Variants in CSMD1 observed in about 807,000 individuals in gnomAD.
CSMD1 encodes the protein CUB and sushi domain-containing protein 1.
A neutral mutation model predicts 417.5 loss-of-function variants in CSMD1; 213 were observed. The ratio of observed to expected loss-of-function variants is 0.51; its 90% confidence interval spans 0.46 to 0.57. CSMD1 has a LOEUF of 0.57. CSMD1 is among the 20% of genes least tolerant of loss of function. CSMD1 has a pLI of 0.00. For synonymous variants in CSMD1, 2,862 were observed against 1,736.8 expected, an observed-to-expected ratio of 1.65 and a Z score of -16.11; for missense variants, 6,923 against 4,529.7, an observed-to-expected ratio of 1.53 and a Z score of -15.17.
At chr8:4,838,985 C>T (rs1800677363) in intron 1 of CSMD1, among the ~76,000 whole-genome samples, 1 of 152,164 alleles carries the variant, frequency 6.6e-6, no homozygotes, top group African/African-American at 2.4e-5. Flanking sequence ...ATTACTTCTA[C>T]CTATTTTGCC....
chr8:3,455,728 G>A (rs764823426), intron 12 of CSMD1, among the ~76,000 whole-genome samples: 2 of 152,210 alleles, frequency 1.3e-5, no homozygotes, highest in Non-Finnish European at 2.9e-5. Flanking sequence ...CCCTACTGGG[G>A]ATGCGTCCCA....
chr8:3,503,640 G>C (rs1285105925), intron 10 of CSMD1, among the ~76,000 whole-genome samples: 2 of 152,136 alleles, frequency 1.3e-5, no homozygotes, highest in East Asian at 1.9e-4. Flanking sequence ...AATTCTCTTT[G>C]TGCTGCCCTG....
rs369520114 is a variant in CSMD1 at position 4,791,929 on chromosome 8, C to G, written c.86-154371G>C. On this transcript the variant is annotated intron_variant, in intron 1 of 69. Coordinates refer to ENST00000635120, the MANE Select transcript of CSMD1 (RefSeq NM_033225.6). ...TCGAAAAGGTAGATTAATTTAGTTT[C>G]TTTATGTTAGTTTTCCTTTTTTTTT... Among the ~76,000 whole-genome samples the G allele has an allele frequency of 9.3e-5, 14 of 149,778 alleles. No homozygotes were observed. The South Asian group carries it at 2.3e-3, about 25-fold the overall frequency.
Position 3,334,369 on chromosome 8 carries a change from T to G in CSMD1, c.3631+8925A>C, listed in dbSNP as rs560574023. Among the ~76,000 whole-genome samples the G allele has an allele frequency of 6.6e-5, 10 of 152,302 alleles. No homozygotes were observed. The East Asian group carries it at 1.9e-3, about 29-fold the overall frequency. On this transcript the variant is annotated intron_variant, in intron 23 of 69. Transcript: ENST00000635120. ...TTGTTTTCAAGCACCAAAATGACAATGCTTAGTGCTTCTGTATCGGTCCTG... is the reference window on the plus strand; with the variant it reads ...TTGTTTTCAAGCACCAAAATGACAAGGCTTAGTGCTTCTGTATCGGTCCTG...
At chr8:3,781,215 TA>T (rs1043369172) in intron 5 of CSMD1, among the ~76,000 whole-genome samples, 1 of 152,122 alleles carries the variant, frequency 6.6e-6, no homozygotes, top group Non-Finnish European at 1.5e-5. Context: ...GAGCAAAATT[TA>T]AAAAATTGCA....
chr8:4,188,146 C>G (rs369660648), intron 3 of CSMD1, among the ~76,000 whole-genome samples: 20 of 152,126 alleles, frequency 1.3e-4, no homozygotes, highest in African/African-American at 3.6e-4. Context: ...CCACACACAT[C>G]CTAACGTATT....
chr8:3,695,721 G>A (rs1396010460), intron 7 of CSMD1, among the ~76,000 whole-genome samples: 1 of 152,160 alleles, frequency 6.6e-6, no homozygotes, highest in Non-Finnish European at 1.5e-5. Flanking sequence ...CAGCAGTTTG[G>A]CTGGAAGGAA....
intron 5 of CSMD1, among the ~76,000 whole-genome samples, chr8:3,949,250 A>G (rs574609404): frequency 6.6e-6 from 1 of 152,304 alleles, no homozygotes; most frequent in African/African-American, 2.4e-5. Flanking sequence ...AAAATACAAT[A>G]TAATGTTATC....
chr8:3,710,382 G>C (rs1801439656), intron 6 of CSMD1, among the ~76,000 whole-genome samples: 1 of 152,124 alleles, frequency 6.6e-6, no homozygotes, highest in Non-Finnish European at 1.5e-5. Context: ...ACAATGCCAG[G>C]ATGCCAAGAC....
chr8:3,956,853 C>T (rs2948656), intron 5 of CSMD1, among the ~76,000 whole-genome samples: 2 of 152,186 alleles, frequency 1.3e-5, no homozygotes, highest in South Asian at 4.1e-4. Flanking sequence ...CTCTTCCTGA[C>T]TAGGAACTCC....
chr8:3,785,300 T>C (rs1799395847), intron 5 of CSMD1, among the ~76,000 whole-genome samples: 1 of 152,330 alleles, frequency 6.6e-6, no homozygotes. Context: ...AAATAAATGA[T>C]GAAACTTCAG....
intron 2 of CSMD1, among the ~76,000 whole-genome samples, chr8:4,421,033 C>T (rs975772647): frequency 2.2e-4 from 34 of 152,092 alleles, no homozygotes; most frequent in African/African-American, 7.0e-4. Context: ...TTTTTTAATT[C>T]AGTCCCCTTA....
chr8:3,398,256 C>T (rs1393069011), intron 16 of CSMD1, among the ~76,000 whole-genome samples: 2 of 152,112 alleles, frequency 1.3e-5, no homozygotes, highest in Non-Finnish European at 2.9e-5. Flanking sequence ...TAGTAAGAAA[C>T]CCAACGTAAT....
chr8:3,220,582 C>T (rs112731301), intron 28 of CSMD1, among the ~76,000 whole-genome samples: 209 of 152,308 alleles, frequency 1.4e-3, no homozygotes, highest in African/African-American at 5.0e-3. Flanking sequence ...CCTGTAATCC[C>T]AGCACTTTGG....
Position 3,043,454 on chromosome 8 carries a change from G to T in CSMD1, c.7660+9008C>A, listed in dbSNP as rs573647079. 2.6e-5 allele frequency among the ~76,000 whole-genome samples: 4 copies of T among 151,990 alleles called. No individual in the cohort carries two copies. The East Asian group carries it at 5.8e-4, about 22-fold the overall frequency. On this transcript the variant is annotated intron_variant, in intron 50 of 69. Transcript: ENST00000635120. ...AACTGGTGATATAAACCTATCACTA[G>T]ATATGAGTATCAAGCTAGTATTGCT...
At chr8:4,800,482 C>A (rs1798221728) in intron 1 of CSMD1, among the ~76,000 whole-genome samples, 1 of 151,312 alleles carries the variant, frequency 6.6e-6, no homozygotes, top group Non-Finnish European at 1.5e-5. Flanking sequence ...TCACCTTTGT[C>A]TTAGGTTTAA....
chr8:4,285,775 T>C (rs1797026955), intron 3 of CSMD1, among the ~76,000 whole-genome samples: 1 of 152,198 alleles, frequency 6.6e-6, no homozygotes. Flanking sequence ...TGTTAAGACA[T>C]GCAGGCTCTG....
intron 3 of CSMD1, among the ~76,000 whole-genome samples, chr8:4,068,638 G>A (rs933065506): frequency 2.0e-5 from 3 of 152,080 alleles, no homozygotes; most frequent in African/African-American, 2.4e-5. Flanking sequence ...CATATCAGTG[G>A]AACTGTGAGT....
chr8:3,858,802 C>T (rs929429725), intron 5 of CSMD1, among the ~76,000 whole-genome samples: 1 of 152,110 alleles, frequency 6.6e-6, no homozygotes, highest in Non-Finnish European at 1.5e-5. Flanking sequence ...ATCATTTCTT[C>T]TAATGTTATC....
Sources: allele counts gnomAD v4.1 joint callset (sites outside exome capture counted in the v4.1 genomes callset), GRCh38; gene constraint gnomAD v4.1.1; transcripts MANE v1.5; gene names NCBI Gene and HGNC (gene_info 2026-07-23, HGNC 2026-07-21).